The following LEPR variants were observed in gnomAD, a reference collection of about 807,000 sequenced individuals.
The protein encoded by LEPR is OB receptor.
LEPR carries 56 observed loss-of-function variants against 114.7 expected under a neutral mutation model. That is an observed-to-expected ratio of 0.49 (90% confidence interval 0.39 to 0.61). The LOEUF is 0.61. Ranked by LOEUF, LEPR falls within the 20% of genes least tolerant of loss-of-function variation. The pLI is 0.00. For missense variants in LEPR, 1,202 were observed against 1,352.9 expected (o/e 0.89, Z 1.75); for synonymous variants, 443 against 461.4 (o/e 0.96, Z 0.51).
chr1:65,458,008 G>A (rs568112427), intron 2 of LEPR, among the ~76,000 whole-genome samples: 5 of 152,196 alleles, frequency 3.3e-5, no homozygotes, highest in African/African-American at 1.2e-4. Flanking sequence ...ACAAAGTTGA[G>A]GCCTATAAAA....
In LEPR at chr1:65,567,838, T is replaced by C. The variant is rs564640859; in HGVS notation, c.40+2233T>C. On this transcript the variant is annotated intron_variant, in intron 3 of 19. Coordinates refer to ENST00000349533, the MANE Select transcript of LEPR (RefSeq NM_002303.6). ...GTAGACTCCCTGCCCCACACATTTA[T>C]AACCCCCCATTATCAACTATCCCCC... is the stretch of plus-strand genomic sequence containing the variant. 2.0e-5 allele frequency among the ~76,000 whole-genome samples: 3 copies of C among 151,942 alleles called. No homozygotes were observed. The South Asian group carries it at 6.2e-4, about 32-fold the overall frequency.
chr1:65,510,724 G>A (rs979487203), intron 2 of LEPR, among the ~76,000 whole-genome samples: 25 of 152,132 alleles, frequency 1.6e-4, no homozygotes, highest in Non-Finnish European at 1.6e-4. Flanking sequence ...CCACGTTAGC[G>A]GGAAAAGGAA....
intron 2 of LEPR, among the ~76,000 whole-genome samples, chr1:65,459,975 T>A (rs1204925587): frequency 6.6e-6 from 1 of 152,160 alleles, no homozygotes; most frequent in East Asian, 1.9e-4. Flanking sequence ...ATTTGAATAA[T>A]CTAAAATGAG....
At chr1:65,587,665 A>G (rs1655401997) in intron 5 of LEPR, among the ~76,000 whole-genome samples, 1 of 152,064 alleles carries the variant, frequency 6.6e-6, no homozygotes, top group South Asian at 2.1e-4. Flanking sequence ...TGCTTTTGAC[A>G]CTAATATCCC....
At chr1:65,504,165 A>G (rs1648605100) in intron 2 of LEPR, among the ~76,000 whole-genome samples, 1 of 152,226 alleles carries the variant, frequency 6.6e-6, no homozygotes, top group Non-Finnish European at 1.5e-5. Flanking sequence ...ATTCCTGTCT[A>G]CACTGACATA....
rs141394315 is a variant in LEPR at position 65,432,320 on chromosome 1, G to C, written c.-21+6942G>C. The stretch of plus-strand genomic sequence containing the variant: ...GCCGGGGTGGATCCCTCTTTGTGTT[G>C]TAGTCCATGCTATTAAAAGTGTGGC... On this transcript the variant is annotated intron_variant, in intron 2 of 19. Coordinates refer to ENST00000349533, the MANE Select transcript of LEPR (RefSeq NM_002303.6). The C allele has an allele frequency of 2.9e-4, 285 of 990,676 alleles. 1 individual carries two copies. The African/African-American group carries it at 4.5e-3, about 16-fold the overall frequency. 61.4% of individuals were successfully genotyped at this position (990,676 alleles called of 1,614,324 possible). A position where few individuals can be genotyped will look rare whatever the true frequency, so the allele number is the denominator to read the frequency against.
At chr1:65,598,934 T>C in intron 8 of LEPR, 130 bp downstream of exon 8, 1 of 1,400,128 alleles carries the variant, frequency 7.1e-7, no homozygotes, top group Non-Finnish European at 9.8e-7. Context: ...CTTCCTTGTT[T>C]AAACTTTGAA....
chr1:65,538,786 A>G (rs1650961130), intron 2 of LEPR, among the ~76,000 whole-genome samples: 4 of 151,760 alleles, frequency 2.6e-5, no homozygotes, highest in African/African-American at 9.7e-5. Flanking sequence ...ATGTTTAGGA[A>G]TGAATCTGTT....
Position 65,610,330 on chromosome 1 carries a change from A to G in LEPR, c.1995+34A>G, listed in dbSNP as rs376455998. 1.4e-5 allele frequency: 21 copies of G among 1,523,712 alleles called. No homozygotes were observed. In the African/African-American group the frequency reaches 2.0e-4, roughly 14 times the overall value. 94.4% of individuals were successfully genotyped at this position (1,523,712 alleles called of 1,614,324 possible). A position where few individuals can be genotyped will look rare whatever the true frequency, so the allele number is the denominator to read the frequency against. ...AATTTTAATATTAATCTTAAATTGT[A>G]TTTTTATACTCTTAAAAATTTACTT... On this transcript the variant is annotated intron_variant, in intron 14 of 19. Coordinates refer to ENST00000349533, the MANE Select transcript of LEPR (RefSeq NM_002303.6).
intron 6 of LEPR, among the ~76,000 whole-genome samples, chr1:65,596,061 T>G (rs940585802): frequency 6.6e-6 from 1 of 152,096 alleles, no homozygotes; most frequent in Non-Finnish European, 1.5e-5. Flanking sequence ...TGCAAAATGC[T>G]TTTTTCCTTT....
chr1:65,588,588 C>T (rs1655476877), intron 5 of LEPR, among the ~76,000 whole-genome samples: 1 of 152,006 alleles, frequency 6.6e-6, no homozygotes, highest in Non-Finnish European at 1.5e-5. Context: ...ATTGGTACTT[C>T]CTCCTCCCAC....
chr1:65,601,692 C>T lies in LEPR; in HGVS notation c.1285+10C>T. 3 of 1,613,410 alleles carry T rather than the reference C, an allele frequency of 1.9e-6. No individual in the cohort carries two copies. The highest frequency in any genetic ancestry group is 2.5e-6 in the Non-Finnish European group (3 of 1,179,616). On this transcript the variant is annotated intron_variant, in intron 9 of 19. Coordinates refer to ENST00000349533, the MANE Select transcript of LEPR (RefSeq NM_002303.6). The stretch of plus-strand genomic sequence containing the variant: ...GAATTATATGTGATTGGTAAGAAAA[C>T]AGAGGTTTTGTTCATTTTGTTCCAC...
chr1:65,612,204 T>A (rs906422852), intron 14 of LEPR, among the ~76,000 whole-genome samples: 19 of 152,198 alleles, frequency 1.2e-4, no homozygotes, highest in African/African-American at 4.1e-4. Context: ...CTGGCATTTT[T>A]AAAATAATAA....
intron 5 of LEPR, among the ~76,000 whole-genome samples, chr1:65,575,848 G>GAA (rs1258672404): frequency 6.6e-6 from 1 of 151,420 alleles, no homozygotes; most frequent in Admixed American, 6.6e-5. Context: ...CTATAAGCAA[G>GAA]AAATTCCTTA....
chr1:65,483,108 T>C (rs7518849), intron 2 of LEPR, among the ~76,000 whole-genome samples: 15,228 of 151,720 alleles, frequency 0.1, 1,030 homozygotes, highest in African/African-American at 0.17. Flanking sequence ...AAGAGAAAGA[T>C]TGGTAAATTT....
intron 10 of LEPR, 55 bp downstream of exon 10, chr1:65,602,015 T>C: frequency 6.9e-7 from 1 of 1,448,518 alleles, no homozygotes; most frequent in South Asian, 1.1e-5. Context: ...GATAAAAATT[T>C]TCTTTAGAAA....
At chr1:65,547,751 A>G (rs901300846) in intron 2 of LEPR, among the ~76,000 whole-genome samples, 57 of 135,894 alleles carry the variant, frequency 4.2e-4, no homozygotes, top group African/African-American at 1.6e-3. Flanking sequence ...ATCCTTTCAA[A>G]AAACCAGCTC....
At chr1:65,496,132 A>G (rs1452736888) in intron 2 of LEPR, among the ~76,000 whole-genome samples, 2 of 152,218 alleles carry the variant, frequency 1.3e-5, no homozygotes, top group Non-Finnish European at 2.9e-5. Flanking sequence ...TACACATTGT[A>G]TATACTTGTA....
chr1:65,593,275 A>G lies in LEPR; in HGVS notation c.703+410A>G, dbSNP rs547560582. ...CTGGAAAAAGAGTGGGACATTAGAC[A>G]TAGTTCCCACCTCAGAGAGCAGGGA... On this transcript the variant is annotated intron_variant, in intron 6 of 19. Transcript: ENST00000349533. Among the ~76,000 whole-genome samples, 5 of 152,232 alleles carry G rather than the reference A, an allele frequency of 3.3e-5. No individual in the cohort carries two copies. The South Asian group carries it at 6.2e-4, about 19-fold the overall frequency.
Sources: gnomAD v4.1 joint callset for allele counts (sites outside exome capture counted in the v4.1 genomes callset) on GRCh38, gnomAD v4.1.1 for gene constraint, MANE v1.5 for transcripts, NCBI Gene and HGNC (gene_info 2026-07-23, HGNC 2026-07-21) for gene names.